The following KIAA1549L variants were observed in gnomAD, a reference collection of about 807,000 sequenced individuals.
KIAA1549L encodes UPF0606 protein KIAA1549L.
A neutral mutation model predicts 160.7 loss-of-function variants in KIAA1549L; 88 were observed. The ratio of observed to expected loss-of-function variants is 0.55; its 90% confidence interval spans 0.46 to 0.65. KIAA1549L has a LOEUF of 0.65. Ranked by LOEUF, KIAA1549L falls within the 30% of genes least tolerant of loss-of-function variation. The pLI is 0.00. For synonymous variants in KIAA1549L, 950 were observed against 976.7 expected (o/e 0.97, Z 0.51); for missense variants, 2,258 against 2,437.5 (o/e 0.93, Z 1.55).
At chr11:33,520,737 AC>A (rs1853470853) in intron 1 of KIAA1549L, among the ~76,000 whole-genome samples, 1 of 90,684 alleles carries the variant, frequency 1.1e-5, no homozygotes, top group East Asian at 3.0e-4. Flanking sequence ...ACACACACAC[AC>A]ACTCCCTCTC....
intron 1 of KIAA1549L, among the ~76,000 whole-genome samples, chr11:33,431,515 T>C (rs563433291): frequency 3.7e-4 from 56 of 151,924 alleles, no homozygotes; most frequent in African/African-American, 1.3e-3. Flanking sequence ...AGATATAGAG[T>C]GTCGATTGGT....
chr11:33,407,081 A>ATTTTTTTTTTTTTTTTTTTTTT (rs750670251), intron 1 of KIAA1549L, among the ~76,000 whole-genome samples: 1 of 100,136 alleles, frequency 1.0e-5, no homozygotes, highest in African/African-American at 4.0e-5. Context: ...TTCTTTTTTC[A>ATTTTTTTTTTTTTTTTTTTTTT]TTTTTTTTTT....
chr11:33,565,044 G>T (rs890524565), intron 8 of KIAA1549L, among the ~76,000 whole-genome samples: 10 of 152,320 alleles, frequency 6.6e-5, no homozygotes, highest in African/African-American at 2.4e-4. Context: ...TGAGTCACGG[G>T]TGGCCAAGGC....
rs749821403 is a variant in KIAA1549L at position 33,618,676 on chromosome 11, G to A, written c.5409+14G>A. The A allele has an allele frequency of 1.9e-6, 3 of 1,558,728 alleles. No homozygotes were observed. Among genetic ancestry groups the A allele is most frequent in the Non-Finnish European group, 2.6e-6 (3 of 1,147,886 alleles). ...AGCGGATACGATGTGAGTCTCTGGT[G>A]GGCTGGGTAAATACAAGCTTTCCTT... On this transcript the variant is annotated intron_variant, in intron 16 of 20. Transcript: ENST00000658780.
At chr11:33,538,739 A>G (rs1259001683) in intron 1 of KIAA1549L, among the ~76,000 whole-genome samples, 2 of 152,232 alleles carry the variant, frequency 1.3e-5, no homozygotes, top group Non-Finnish European at 2.9e-5. Context: ...TATTTTCTAA[A>G]TATAGATACT....
intron 1 of KIAA1549L, among the ~76,000 whole-genome samples, chr11:33,519,553 A>G (rs538281249): frequency 6.6e-6 from 1 of 152,334 alleles, no homozygotes; most frequent in African/African-American, 2.4e-5. Context: ...GGTAGGAGAT[A>G]GAATTGTTTG....
At chr11:33,621,527 C>A (rs1050467269) in intron 16 of KIAA1549L, among the ~76,000 whole-genome samples, 9 of 152,152 alleles carry the variant, frequency 5.9e-5, no homozygotes, top group African/African-American at 2.2e-4. Flanking sequence ...CTTAATTCAT[C>A]CCTATGTATA....
rs71034679 is a variant in KIAA1549L at position 33,397,710 on chromosome 11, T to TCACA, written c.238+20864_238+20867dup. Among the ~76,000 whole-genome samples, 773 of 143,014 alleles carry TCACA rather than the reference T, an allele frequency of 5.4e-3. 5 individuals carry two copies. Among genetic ancestry groups the TCACA allele is most frequent in the East Asian group, 0.018 (88 of 4,832 alleles). 93.8% of individuals were successfully genotyped at this position (143,014 alleles called of 152,430 possible). A position where few individuals can be genotyped will look rare whatever the true frequency, so the allele number is the denominator to read the frequency against. The stretch of plus-strand genomic sequence containing the variant: ...CTGGGCGACAGAGCGAGACTCCATC[T>TCACA]CACACACACACACACACACACACAC... On this transcript the variant is annotated intron_variant, in intron 1 of 20. Transcript: ENST00000658780.
chr11:33,392,323 ATCTG>A (rs890726097), intron 1 of KIAA1549L, among the ~76,000 whole-genome samples: 1 of 152,220 alleles, frequency 6.6e-6, no homozygotes, highest in Non-Finnish European at 1.5e-5. Flanking sequence ...TTTATCATAT[ATCTG>A]TCTGTCCCAC....
intron 12 of KIAA1549L, among the ~76,000 whole-genome samples, chr11:33,592,630 G>T (rs1850091636): frequency 1.3e-5 from 2 of 152,264 alleles, no homozygotes; most frequent in African/African-American, 4.8e-5. Flanking sequence ...TACTGTTCTT[G>T]GGCAGCTTAT....
At chr11:33,544,460 C>A in intron 2 of KIAA1549L, 124 bp downstream of exon 2, 1 of 1,053,262 alleles carries the variant, frequency 9.5e-7, no homozygotes, top group Non-Finnish European at 1.4e-6. Flanking sequence ...AGCTCATACC[C>A]CCGATCAGGA....
chr11:33,612,983 T>C (rs1202777397), intron 15 of KIAA1549L, among the ~76,000 whole-genome samples: 1 of 151,880 alleles, frequency 6.6e-6, no homozygotes, highest in African/African-American at 2.4e-5. Flanking sequence ...ATGTATCACA[T>C]TTTTTTTCAT....
chr11:33,598,979 A>C, intron 13 of KIAA1549L, 32 bp downstream of exon 13: 1 of 1,610,488 alleles, frequency 6.2e-7, no homozygotes, highest in Non-Finnish European at 8.5e-7. Context: ...AACCACCCCC[A>C]GCTGCTCCCA....
chr11:33,503,633 A>G (rs1377912305), intron 1 of KIAA1549L, among the ~76,000 whole-genome samples: 2 of 152,250 alleles, frequency 1.3e-5, no homozygotes, highest in African/African-American at 2.4e-5. Flanking sequence ...AACAAAATCT[A>G]ATTGATAACC....
At chr11:33,450,157 C>G (rs1309549968) in intron 1 of KIAA1549L, among the ~76,000 whole-genome samples, 1 of 152,160 alleles carries the variant, frequency 6.6e-6, no homozygotes, top group Non-Finnish European at 1.5e-5. Flanking sequence ...ACTTCTTTAT[C>G]TTGAAGATGA....
chr11:33,667,633 A>T (rs927093012), intron 20 of KIAA1549L, among the ~76,000 whole-genome samples: 15 of 152,160 alleles, frequency 9.9e-5, no homozygotes, highest in African/African-American at 3.1e-4. Context: ...TGACCTCATG[A>T]GCCGTCCACC....
At chr11:33,455,536 TTTATGG>T (rs1383835293) in intron 1 of KIAA1549L, among the ~76,000 whole-genome samples, 1 of 152,124 alleles carries the variant, frequency 6.6e-6, no homozygotes. Flanking sequence ...TCTTGTTTGG[TTTATGG>T]TGTTTGATTA....
At chr11:33,538,069 C>A (rs1189295820) in intron 1 of KIAA1549L, among the ~76,000 whole-genome samples, 1 of 152,100 alleles carries the variant, frequency 6.6e-6, no homozygotes, top group Non-Finnish European at 1.5e-5. Flanking sequence ...AGGAAACTTA[C>A]AATTATGGTG....
chr11:33,529,627 G>A (rs1220221531), intron 1 of KIAA1549L, among the ~76,000 whole-genome samples: 2 of 152,132 alleles, frequency 1.3e-5, no homozygotes, highest in Non-Finnish European at 2.9e-5. Flanking sequence ...TCAGGAACTC[G>A]GATGCTGTGT....
Sources: allele counts gnomAD v4.1 joint callset (sites outside exome capture counted in the v4.1 genomes callset), GRCh38; gene constraint gnomAD v4.1.1; transcripts MANE v1.5; gene names NCBI Gene and HGNC (gene_info 2026-07-23, HGNC 2026-07-21).